PRR5: variants seen among roughly 807,000 people sequenced by gnomAD.
PRR5 encodes proline-rich protein 5.
In PRR5, 25 loss-of-function variants were observed where a neutral mutation model predicts 30.6. The ratio of observed to expected loss-of-function variants is 0.82; its 90% confidence interval spans 0.60 to 1.14. PRR5 has a LOEUF of 1.14. PRR5 is among the 50% of genes most tolerant of loss of function. The pLI, the probability that PRR5 is intolerant of heterozygous loss-of-function variation, is 0.00. For missense variants in PRR5, 600 were observed against 547.1 expected (o/e 1.10, Z -0.96); for synonymous variants, 286 against 247.1 (o/e 1.16, Z -1.48).
intron 1 of PRR5, among the ~76,000 whole-genome samples, chr22:44,694,350 C>T (rs1236605161): frequency 6.6e-6 from 1 of 152,154 alleles, no homozygotes; most frequent in African/African-American, 2.4e-5. Flanking sequence ...CCAGCCTGGC[C>T]AACATGGTGA....
chr22:44,706,468 C>T (rs980748147), intron 1 of PRR5, among the ~76,000 whole-genome samples: 5 of 152,222 alleles, frequency 3.3e-5, no homozygotes, highest in Non-Finnish European at 2.9e-5. Context: ...CTGAGCATTT[C>T]GCTGGGGTCT....
At chr22:44,687,671 C>T (rs1421397139) in intron 1 of PRR5, among the ~76,000 whole-genome samples, 3 of 152,184 alleles carry the variant, frequency 2.0e-5, no homozygotes, top group African/African-American at 4.8e-5. Flanking sequence ...CTGCTTGCTC[C>T]GCGCCTGGTC....
intron 1 of PRR5, among the ~76,000 whole-genome samples, chr22:44,692,467 T>C (rs896624797): frequency 1.0e-5 from 1 of 98,356 alleles, no homozygotes; most frequent in Non-Finnish European, 2.1e-5. Flanking sequence ...GGGGAAATTC[T>C]TCCTCCCGGG....
intron 1 of PRR5, among the ~76,000 whole-genome samples, chr22:44,689,112 G>A (rs1601962895): frequency 6.6e-6 from 1 of 152,092 alleles, no homozygotes; most frequent in East Asian, 1.9e-4. Flanking sequence ...TAGGACACAG[G>A]CAGGGAGGGA....
intron 1 of PRR5, among the ~76,000 whole-genome samples, chr22:44,705,815 G>A (rs898010774): frequency 6.6e-6 from 1 of 151,802 alleles, no homozygotes; most frequent in Non-Finnish European, 1.5e-5. Context: ...TTTTGAGGTG[G>A]AGTCTCACTC....
chr22:44,727,633 G>A (rs1246672180), intron 4 of PRR5, among the ~76,000 whole-genome samples: 9 of 152,184 alleles, frequency 5.9e-5, no homozygotes, highest in South Asian at 2.1e-4. Flanking sequence ...GCAGGCCACC[G>A]GGTCCCGAAC....
At chr22:44,713,809 CTTTTGTTTTT>C (rs1423619453) in intron 1 of PRR5, among the ~76,000 whole-genome samples, 9 of 152,300 alleles carry the variant, frequency 5.9e-5, no homozygotes, top group Middle Eastern at 3.4e-3. Context: ...GTTTCGTTTT[CTTTTGTTTTT>C]TTGAGACGGA....
intron 1 of PRR5, among the ~76,000 whole-genome samples, chr22:44,693,795 A>ATTTTTTTTTTTTTTTTTTTTTT (rs61604082): frequency 5.0e-5 from 4 of 79,644 alleles, no homozygotes; most frequent in Admixed American, 1.8e-4. Context: ...ACACTCGGCT[A>ATTTTTTTTTTTTTTTTTTTTTT]TTTTTTTTTT....
At chr22:44,680,848 G>A (rs1454005516) in intron 1 of PRR5, among the ~76,000 whole-genome samples, 1 of 152,226 alleles carries the variant, frequency 6.6e-6, no homozygotes, top group Non-Finnish European at 1.5e-5. Context: ...ACAGAGGAAG[G>A]AGCCAAGGTG....
At chr22:44,712,922 G>A (rs1928476675) in intron 1 of PRR5, among the ~76,000 whole-genome samples, 2 of 152,202 alleles carry the variant, frequency 1.3e-5, no homozygotes, top group South Asian at 4.1e-4. Flanking sequence ...GGAAGGGAGG[G>A]GTTGGGGGTC....
At chr22:44,730,155 G>A in intron 4 of PRR5, 1 of 985,286 alleles carries the variant, frequency 1.0e-6, no homozygotes, top group Non-Finnish European at 1.2e-6. Context: ...GAAGCTGGGG[G>A]CTTCCGGGAG....
intron 1 of PRR5, among the ~76,000 whole-genome samples, chr22:44,703,907 C>T (rs934121800): frequency 6.6e-6 from 1 of 152,162 alleles, no homozygotes; most frequent in Non-Finnish European, 1.5e-5. Context: ...GCAGTGTTCT[C>T]CTCCAGTATT....
chr22:44,674,267 C>T (rs376403155), upstream of PRR5, among the ~76,000 whole-genome samples: 1 of 152,070 alleles, frequency 6.6e-6, no homozygotes, highest in East Asian at 1.9e-4. Flanking sequence ...CCACCACACC[C>T]TGCCAGTGTT....
upstream of PRR5, among the ~76,000 whole-genome samples, chr22:44,702,044 G>A (rs1320932634): frequency 6.6e-6 from 1 of 152,020 alleles, no homozygotes; most frequent in Non-Finnish European, 1.5e-5. Flanking sequence ...GACCCAGCGA[G>A]GCGTCGTGGC....
At chr22:44,697,747 C>T (rs919104509), upstream of PRR5, among the ~76,000 whole-genome samples, 5 of 152,346 alleles carry the variant, frequency 3.3e-5, no homozygotes, top group South Asian at 4.1e-4. Context: ...AGCCTCAGCT[C>T]CCCCACTTGC....
upstream of PRR5, among the ~76,000 whole-genome samples, chr22:44,674,298 G>T (rs1414094382): frequency 6.6e-6 from 1 of 151,800 alleles, no homozygotes; most frequent in African/African-American, 2.4e-5. Flanking sequence ...TTTTGTTTTT[G>T]GTTTTTTGGG....
chr22:44,681,212 T>C (rs1451867308), intron 1 of PRR5, among the ~76,000 whole-genome samples: 3 of 152,182 alleles, frequency 2.0e-5, no homozygotes, highest in African/African-American at 4.8e-5. Flanking sequence ...TGCAGGATGA[T>C]GGCTGTTCAC....
chr22:44,688,937 G>A (rs1166244194), intron 1 of PRR5, among the ~76,000 whole-genome samples: 5 of 152,088 alleles, frequency 3.3e-5, no homozygotes, highest in African/African-American at 9.7e-5. Context: ...GCAGTGAGCC[G>A]AGATCACTCC....
intron 1 of PRR5, among the ~76,000 whole-genome samples, chr22:44,670,653 C>T (rs78122049): frequency 0.023 from 3,491 of 152,318 alleles, 75 homozygotes; most frequent in South Asian, 0.08. Flanking sequence ...AATTCCTCAC[C>T]GGCAGGGAAA....
Sources: gnomAD v4.1 joint callset for allele counts (sites outside exome capture counted in the v4.1 genomes callset) on GRCh38, gnomAD v4.1.1 for gene constraint, MANE v1.5 for transcripts, NCBI Gene and HGNC (gene_info 2026-07-23, HGNC 2026-07-21) for gene names.